The following SORCS3 variants were observed in gnomAD, a reference collection of about 807,000 sequenced individuals.
SORCS3 encodes sortilin related VPS10 domain containing receptor 3, also known as VPS10 domain-containing receptor SorCS3.
In SORCS3, 57 loss-of-function variants were observed where a neutral mutation model predicts 146.3. That is an observed-to-expected ratio of 0.39 (90% CI 0.31 to 0.49). SORCS3 has a LOEUF of 0.49. Among genes scored for constraint, SORCS3 ranks in the 20% least tolerant of loss-of-function variants. SORCS3 has a pLI of 0.92. For synonymous variants in SORCS3, 653 were observed against 618.5 expected (o/e 1.06, Z -0.83); for missense variants, 1,341 against 1,575.5 (o/e 0.85, Z 2.52).
intron 5 of SORCS3, among the ~76,000 whole-genome samples, chr10:105,086,452 G>A (rs976670936): frequency 1.3e-5 from 2 of 151,124 alleles, no homozygotes; most frequent in African/African-American, 2.4e-5. Context: ...AGCTGGTGAC[G>A]AGGGAAGGCT....
intron 1 of SORCS3, among the ~76,000 whole-genome samples, chr10:104,774,304 G>T (rs953554576): frequency 3.9e-5 from 6 of 152,082 alleles, no homozygotes; most frequent in Non-Finnish European, 8.8e-5. Flanking sequence ...CCTTCTAGAG[G>T]CTCTCTGAGA....
chr10:104,873,062 G>A (rs1163545490), intron 2 of SORCS3, among the ~76,000 whole-genome samples: 1 of 152,168 alleles, frequency 6.6e-6, no homozygotes, highest in Non-Finnish European at 1.5e-5. Context: ...AGCAAGGAAA[G>A]ATCCAGGAAG....
intron 2 of SORCS3, among the ~76,000 whole-genome samples, chr10:104,852,838 T>C (rs1436270084): frequency 1.3e-5 from 2 of 152,240 alleles, no homozygotes; most frequent in Non-Finnish European, 1.5e-5. Context: ...TTACATTCTG[T>C]CAGCATCAGG....
chr10:105,125,222 C>T (rs1476331492), intron 7 of SORCS3, among the ~76,000 whole-genome samples: 1 of 152,140 alleles, frequency 6.6e-6, no homozygotes, highest in African/African-American at 2.4e-5. Context: ...AAACCTTCTT[C>T]CCTGGTTTTT....
chr10:104,766,531 T>G (rs2133480542), intron 1 of SORCS3, among the ~76,000 whole-genome samples: 2 of 152,360 alleles, frequency 1.3e-5, no homozygotes, highest in Middle Eastern at 3.4e-3. Context: ...TCGCAGGCAC[T>G]GGCACAGTGC....
At chr10:104,973,585 T>TC (rs1286509115) in intron 3 of SORCS3, among the ~76,000 whole-genome samples, 1 of 150,512 alleles carries the variant, frequency 6.6e-6, no homozygotes, top group Non-Finnish European at 1.5e-5. Flanking sequence ...TTCTTCTCTC[T>TC]TTTTTTCTTT....
chr10:105,119,663 A>T (rs1455334210), intron 7 of SORCS3, among the ~76,000 whole-genome samples: 1 of 152,166 alleles, frequency 6.6e-6, no homozygotes, highest in Non-Finnish European at 1.5e-5. Flanking sequence ...ATGGAGTCAA[A>T]GGAGATCATT....
intron 1 of SORCS3, among the ~76,000 whole-genome samples, chr10:104,740,710 G>T (rs976401501): frequency 3.9e-5 from 6 of 151,918 alleles, no homozygotes; most frequent in Admixed American, 1.3e-4. Flanking sequence ...TTATTTTTTT[G>T]TTTGTTTGTT....
chr10:105,217,269 G>T, intron 19 of SORCS3, 147 bp downstream of exon 19: 1 of 719,180 alleles, frequency 1.4e-6, no homozygotes. Flanking sequence ...GTACTCATCT[G>T]TGTTTCTGAG....
At chr10:104,723,432 G>A (rs903043159) in intron 1 of SORCS3, among the ~76,000 whole-genome samples, 26 of 152,188 alleles carry the variant, frequency 1.7e-4, no homozygotes, top group Admixed American at 1.7e-3. Flanking sequence ...GTGTGGTGTG[G>A]TGCTGAAAAG....
chr10:104,932,318 G>A (rs1389893082), intron 3 of SORCS3, among the ~76,000 whole-genome samples: 3 of 152,052 alleles, frequency 2.0e-5, no homozygotes, highest in African/African-American at 7.2e-5. Flanking sequence ...TTAGTCTCAC[G>A]GCTGCTTGCA....
chr10:104,770,020 C>A (rs1179928012), intron 1 of SORCS3, among the ~76,000 whole-genome samples: 1 of 152,092 alleles, frequency 6.6e-6, no homozygotes, highest in Non-Finnish European at 1.5e-5. Flanking sequence ...TTCATGTAGT[C>A]ATCAAAGAGC....
At chr10:105,023,971 A>T (rs572857777) in intron 4 of SORCS3, among the ~76,000 whole-genome samples, 45 of 152,284 alleles carry the variant, frequency 3.0e-4, no homozygotes, top group Middle Eastern at 6.8e-3. Flanking sequence ...AGTAGTTCCA[A>T]TTCACTTACT....
At chr10:104,919,507 A>G (rs112735121) in intron 3 of SORCS3, among the ~76,000 whole-genome samples, 7,515 of 152,154 alleles carry the variant, frequency 0.049, 225 homozygotes, top group East Asian at 0.14. Context: ...CCTGACCAAC[A>G]TGGAGAAACC....
At chr10:104,847,199 G>C (rs1035421504) in intron 2 of SORCS3, among the ~76,000 whole-genome samples, 1 of 152,138 alleles carries the variant, frequency 6.6e-6, no homozygotes, top group African/African-American at 2.4e-5. Context: ...TCCTCAATTA[G>C]GGAGGAAGGA....
At chr10:105,034,232 G>A (rs766213628) in intron 4 of SORCS3, among the ~76,000 whole-genome samples, 17 of 152,184 alleles carry the variant, frequency 1.1e-4, no homozygotes, top group East Asian at 3.9e-4. Flanking sequence ...TGTTATTTCC[G>A]ATGACACCTG....
intron 2 of SORCS3, among the ~76,000 whole-genome samples, chr10:104,866,345 G>T (rs1229294181): frequency 6.6e-6 from 1 of 152,166 alleles, no homozygotes; most frequent in Non-Finnish European, 1.5e-5. Context: ...TATCCTTAAA[G>T]AACAGAGTTA....
rs2017544376 is a variant in SORCS3, at chr10:104,795,497, T to C, written c.628-47295T>C. On this transcript the variant is annotated intron_variant, in intron 1 of 26. Coordinates refer to ENST00000369701, the MANE Select transcript of SORCS3 (RefSeq NM_014978.3). Reference sequence around the variant, plus strand: ...TTATATGTAAAATGAATTTAGGTCATAGGCTTGGTTCATGACAAACAGGTT... The same window carrying C: ...TTATATGTAAAATGAATTTAGGTCACAGGCTTGGTTCATGACAAACAGGTT... Among the ~76,000 whole-genome samples the C allele has an allele frequency of 3.3e-5, 5 of 152,256 alleles. No individual in the cohort carries two copies. In the South Asian group the frequency reaches 6.2e-4, roughly 19 times the overall value.
At chr10:105,225,447 GT>G (rs201663453) in intron 20 of SORCS3, among the ~76,000 whole-genome samples, 20 of 151,274 alleles carry the variant, frequency 1.3e-4, no homozygotes, top group East Asian at 7.8e-4. Flanking sequence ...CTGTTTTCCT[GT>G]TTTTTTTCAC....
Sources: allele counts gnomAD v4.1 joint callset (sites outside exome capture counted in the v4.1 genomes callset), GRCh38; gene constraint gnomAD v4.1.1; transcripts MANE v1.5; gene names NCBI Gene and HGNC (gene_info 2026-07-23, HGNC 2026-07-21).